KIRREL3: variants seen among roughly 807,000 people sequenced by gnomAD.
The protein encoded by KIRREL3 is kirre like nephrin family adhesion molecule 3.
KIRREL3 carries 36 observed loss-of-function variants against 89.7 expected under a neutral mutation model. The ratio of observed to expected loss-of-function variants is 0.40; its 90% CI spans 0.31 to 0.53. The LOEUF is 0.53. Ranked by LOEUF, KIRREL3 falls within the 20% of genes least tolerant of loss-of-function variation. The probability of loss-of-function intolerance (pLI) is 0.49; values close to 1 mark genes in which losing one functional copy is unlikely to be tolerated. For missense variants in KIRREL3, 864 were observed against 1,056.6 expected (o/e 0.82, Z 2.53); for synonymous variants, 445 against 441.4 (o/e 1.01, Z -0.10).
At chr11:126,809,997 G>C (rs1951326931) in intron 1 of KIRREL3, among the ~76,000 whole-genome samples, 1 of 152,148 alleles carries the variant, frequency 6.6e-6, no homozygotes, top group Admixed American at 6.5e-5. Context: ...GCCTCAGCTT[G>C]TTTCATGGCT....
chr11:126,569,480 C>T lies in KIRREL3; in HGVS notation c.56-6568G>A, dbSNP rs796733837. 5.3e-5 allele frequency among the ~76,000 whole-genome samples: 8 copies of T among 152,222 alleles called. No homozygotes were observed. The highest frequency in any genetic ancestry group is 2.0e-4 in the Admixed American group (3 of 15,290). ...GTGTAAAGTCCAAGGCACAGACACT[C>T]GCAAAGAGGCCACTAAGTGCTGGGC... On this transcript the variant is annotated intron_variant, in intron 1 of 16. Coordinates refer to ENST00000525144, the MANE Select transcript of KIRREL3 (RefSeq NM_032531.4). This position sits in a 1 kb window ranked among gnomAD's most constrained non-coding sequence, Gnocchi z 6.5.
Position 126,475,200 on chromosome 11 carries a change from G to C in KIRREL3, c.434-1734C>G, listed in dbSNP as rs1957031228. 6.6e-6 allele frequency among the ~76,000 whole-genome samples: 1 copy of C among 152,176 alleles called. No individual in the cohort carries two copies. The highest frequency in any genetic ancestry group is 2.4e-5 in the African/African-American group (1 of 41,448). On this transcript the variant is annotated intron_variant, in intron 4 of 16. Transcript: ENST00000525144. This position sits in a 1 kb window ranked among gnomAD's most constrained non-coding sequence, Gnocchi z 7.5. Reference sequence around the variant, plus strand: ...CCTTCTATGCAGGCTCTGTGCTCGGGGCTCTGGGCTGGAGAAGTTCAGAGC... The same window carrying C: ...CCTTCTATGCAGGCTCTGTGCTCGGCGCTCTGGGCTGGAGAAGTTCAGAGC...
At chr11:126,538,278 A>G (rs1282125423) in intron 2 of KIRREL3, among the ~76,000 whole-genome samples, 1 of 152,232 alleles carries the variant, frequency 6.6e-6, no homozygotes, top group Non-Finnish European at 1.5e-5. Context: ...GAGAAGGCTT[A>G]AGAATACTTA....
At chr11:126,765,759 T>C (rs1949804598) in intron 1 of KIRREL3, among the ~76,000 whole-genome samples, 1 of 152,172 alleles carries the variant, frequency 6.6e-6, no homozygotes, top group Non-Finnish European at 1.5e-5. Context: ...AACTCACTCC[T>C]CAGGCGGATT....
rs1334283579 is a variant in KIRREL3, at chr11:126,636,210, G to T, written c.56-73298C>A. ...CATTATAAAATAATGGATACTTATG[G>T]CATACCCAGGGCATGGCATGTGCTA... On this transcript the variant is annotated intron_variant, in intron 1 of 16. Coordinates refer to ENST00000525144, the MANE Select transcript of KIRREL3 (RefSeq NM_032531.4). The surrounding 1 kb of genome is among the most constrained non-coding windows in gnomAD (Gnocchi z 4.4). Among the ~76,000 whole-genome samples, 1 of 152,172 alleles carries T rather than the reference G, an allele frequency of 6.6e-6. No homozygotes were observed. The highest frequency in any genetic ancestry group is 2.4e-5 in the African/African-American group (1 of 41,436).
In KIRREL3 at chr11:126,807,599, C is replaced by A. The variant is rs112156372; in HGVS notation, c.55+192856G>T. Among the ~76,000 whole-genome samples the A allele has an allele frequency of 0.014, 2,060 of 152,286 alleles. 51 individuals carry two copies. Among genetic ancestry groups the A allele is most frequent in the African/African-American group, 0.047 (1,962 of 41,550 alleles). ...ACACACGGAACCTCATGCAGGTACC[C>A]AATTATGCTGTGCCCTTCCCCATCT... is the stretch of plus-strand genomic sequence containing the variant. On this transcript the variant is annotated intron_variant, in intron 1 of 16. Transcript: ENST00000525144. This position sits in a 1 kb window ranked among gnomAD's most constrained non-coding sequence, Gnocchi z 4.3.
chr11:126,895,368 C>T (rs906789488), intron 1 of KIRREL3, among the ~76,000 whole-genome samples: 2 of 148,440 alleles, frequency 1.3e-5, no homozygotes, highest in African/African-American at 5.0e-5. Flanking sequence ...GAGGCTGAGG[C>T]AGGAGAATTG....
chr11:126,440,397 T>TG (rs1955514301), intron 11 of KIRREL3, 52 bp downstream of exon 11: 1 of 1,509,756 alleles, frequency 6.6e-7, no homozygotes, highest in Admixed American at 2.0e-5. Flanking sequence ...TTGGCAAAAG[T>TG]GACTGTTGGG....
At position 126,495,904 on chromosome 11, in the gene KIRREL3, G is replaced by A. The variant is rs901557511; in HGVS notation, c.434-22438C>T. On this transcript the variant is annotated intron_variant, in intron 4 of 16. Transcript: ENST00000525144. This position sits in a 1 kb window ranked among gnomAD's most constrained non-coding sequence, Gnocchi z 6.5. ...TTGTCCTTGACTTGCCCTTTCTCTCGTATCCTAATTGCTGTGGGCTCCACC... is the reference window on the plus strand; with the variant it reads ...TTGTCCTTGACTTGCCCTTTCTCTCATATCCTAATTGCTGTGGGCTCCACC... Among the ~76,000 whole-genome samples the A allele has an allele frequency of 6.6e-6, 1 of 152,174 alleles. No individual in the cohort carries two copies. Among genetic ancestry groups the A allele is most frequent in the South Asian group, 2.1e-4 (1 of 4,820 alleles).
At chr11:126,509,658 T>C (rs775753912) in intron 4 of KIRREL3, among the ~76,000 whole-genome samples, 5 of 152,258 alleles carry the variant, frequency 3.3e-5, no homozygotes, top group Non-Finnish European at 7.3e-5. Context: ...GTCACTTTCC[T>C]GCCTTGTGGC....
In KIRREL3 at chr11:126,627,884, T is replaced by C. The variant is rs1006606339; in HGVS notation, c.56-64972A>G. 6.6e-6 allele frequency among the ~76,000 whole-genome samples: 1 copy of C among 152,170 alleles called. No individual in the cohort carries two copies. Among genetic ancestry groups the C allele is most frequent in the African/African-American group, 2.4e-5 (1 of 41,438 alleles). ...TAGTGAGAGGATAGGTGGGTAGCAG[T>C]GTGGGCAGGAAAACAGCCCAGGAGT... On this transcript the variant is annotated intron_variant, in intron 1 of 16. Coordinates refer to ENST00000525144, the MANE Select transcript of KIRREL3 (RefSeq NM_032531.4). The surrounding 1 kb of genome is among the most constrained non-coding windows in gnomAD (Gnocchi z 5.0).
Position 126,551,533 on chromosome 11 carries a change from C to G in KIRREL3, c.133+11302G>C, listed in dbSNP as rs1555144052. Among the ~76,000 whole-genome samples, 1 of 152,174 alleles carries G rather than the reference C, an allele frequency of 6.6e-6. No individual in the cohort carries two copies. Among genetic ancestry groups the G allele is most frequent in the Non-Finnish European group, 1.5e-5 (1 of 68,036 alleles). ...ATACATCATCACGCCTCAGGCCATGCCCTGACTTTCAACCACTGATCCCTT... is the reference window on the plus strand; with the variant it reads ...ATACATCATCACGCCTCAGGCCATGGCCTGACTTTCAACCACTGATCCCTT... On this transcript the variant is annotated intron_variant, in intron 2 of 16. Transcript: ENST00000525144. This position sits in a 1 kb window ranked among gnomAD's most constrained non-coding sequence, Gnocchi z 4.9.
At position 126,574,342 on chromosome 11, in the gene KIRREL3, C is replaced by A. The variant is rs139753265; in HGVS notation, c.56-11430G>T. Among the ~76,000 whole-genome samples, 167 of 152,282 alleles carry A rather than the reference C, an allele frequency of 1.1e-3. 1 individual carries two copies. Among genetic ancestry groups the A allele is most frequent in the African/African-American group, 3.9e-3 (164 of 41,558 alleles). ...GAGCCCCATATCCAAGCTGGTGGCC[C>A]AGCAACAAAAATCAAAGCTCTTTTC... On this transcript the variant is annotated intron_variant, in intron 1 of 16. Transcript: ENST00000525144. The surrounding 1 kb of genome is among the most constrained non-coding windows in gnomAD (Gnocchi z 5.3).
At chr11:126,625,213 C>T (rs551251412) in intron 1 of KIRREL3, among the ~76,000 whole-genome samples, 1 of 152,286 alleles carries the variant, frequency 6.6e-6, no homozygotes, top group Admixed American at 6.5e-5. Context: ...AGGTTACATG[C>T]CTTCCTCAAG....
rs1454061331 is a variant in KIRREL3, at chr11:126,750,564, C to T, written c.56-187652G>A. 1.3e-5 allele frequency among the ~76,000 whole-genome samples: 2 copies of T among 152,212 alleles called. No homozygotes were observed. Among genetic ancestry groups the T allele is most frequent in the South Asian group, 4.1e-4 (2 of 4,832 alleles). ...ACTGGGCTGGGCCAGGGTCACTAGC[C>T]TGAGCTGTGGCTAGTGGTAAAGCTT... On this transcript the variant is annotated intron_variant, in intron 1 of 16. Coordinates refer to ENST00000525144, the MANE Select transcript of KIRREL3 (RefSeq NM_032531.4). This position sits in a 1 kb window ranked among gnomAD's most constrained non-coding sequence, Gnocchi z 4.2.
intron 1 of KIRREL3, among the ~76,000 whole-genome samples, chr11:126,840,853 A>AT (rs1376354865): frequency 6.6e-6 from 1 of 152,228 alleles, no homozygotes; most frequent in Non-Finnish European, 1.5e-5. Context: ...AAAGAGCAAG[A>AT]TTAGTGATGC....
In KIRREL3 at chr11:126,666,995, CT is replaced by C. The variant is rs1565633092; in HGVS notation, c.56-104084del. On this transcript the variant is annotated intron_variant, in intron 1 of 16. Coordinates refer to ENST00000525144, the MANE Select transcript of KIRREL3 (RefSeq NM_032531.4). The surrounding 1 kb of genome is among the most constrained non-coding windows in gnomAD (Gnocchi z 4.2). ...AGGAAAGGCTTGAGTGACTAGGGGT[CT>C]TTTTGAACAAGGCACTTTAATTTGC... Among the ~76,000 whole-genome samples the C allele has an allele frequency of 6.6e-6, 1 of 152,132 alleles. No individual in the cohort carries two copies. The highest frequency in any genetic ancestry group is 1.5e-5 in the Non-Finnish European group (1 of 68,026).
chr11:126,435,412 G>T, intron 12 of KIRREL3, 109 bp from the exon 13 acceptor site: 1 of 1,119,934 alleles, frequency 8.9e-7, no homozygotes, highest in Non-Finnish European at 1.3e-6. Flanking sequence ...TCCTTTCCCA[G>T]TCATGTCTCT....
Position 126,814,019 on chromosome 11 carries a change from CA to C in KIRREL3, c.55+186435del, listed in dbSNP as rs779296006. On this transcript the variant is annotated intron_variant, in intron 1 of 16. Coordinates refer to ENST00000525144, the MANE Select transcript of KIRREL3 (RefSeq NM_032531.4). This position sits in a 1 kb window ranked among gnomAD's most constrained non-coding sequence, Gnocchi z 4.4. Reference sequence around the variant, plus strand: ...AAATTTTTGCAGTCTATTCAACTGACAAAGGTCTAATATCCAGAGTCTACAA... The same window carrying C: ...AAATTTTTGCAGTCTATTCAACTGACAAGGTCTAATATCCAGAGTCTACAA... 4.5e-4 allele frequency among the ~76,000 whole-genome samples: 69 copies of C among 151,850 alleles called. No homozygotes were observed. The highest frequency in any genetic ancestry group is 1.8e-4 in the Non-Finnish European group (12 of 67,978).
Sources: allele counts gnomAD v4.1 joint callset (sites outside exome capture counted in the v4.1 genomes callset), GRCh38; gene constraint gnomAD v4.1.1; non-coding constraint Gnocchi (gnomAD v3.1); transcripts MANE v1.5; gene names NCBI Gene and HGNC (gene_info 2026-07-23, HGNC 2026-07-21).